The following RPH3A variants were observed in gnomAD, a reference collection of about 807,000 sequenced individuals.
RPH3A encodes the protein rabphilin 3A, also known as rabphilin-3A.
RPH3A carries 48 observed loss-of-function variants against 102.2 expected under a neutral mutation model. The ratio of observed to expected loss-of-function variants is 0.47; its 90% CI spans 0.37 to 0.60. RPH3A has a LOEUF of 0.60. Ranked by LOEUF, RPH3A falls within the 20% of genes least tolerant of loss-of-function variation. RPH3A has a pLI of 0.00. For synonymous variants in RPH3A, 310 were observed against 324.3 expected (o/e 0.96, Z 0.47); for missense variants, 781 against 910.1 (o/e 0.86, Z 1.83).
chr12:112,758,374 T>C (rs1331186545), intron 1 of RPH3A, among the ~76,000 whole-genome samples: 1 of 152,216 alleles, frequency 6.6e-6, no homozygotes, highest in Non-Finnish European at 1.5e-5. Context: ...CTCTATTTTC[T>C]AGAGAACCTC....
chr12:112,693,851 T>G (rs1566262113), intron 1 of RPH3A, among the ~76,000 whole-genome samples: 1 of 152,384 alleles, frequency 6.6e-6, no homozygotes, highest in East Asian at 1.9e-4. Flanking sequence ...TATCTGTCTC[T>G]TGTTGGAACA....
chr12:112,765,534 C>T (rs965016527), intron 1 of RPH3A, among the ~76,000 whole-genome samples: 2 of 152,112 alleles, frequency 1.3e-5, no homozygotes, highest in Non-Finnish European at 1.5e-5. Context: ...GGATTTGTTC[C>T]ATATTACATT....
chr12:112,805,253 G>T (rs2041436992), intron 2 of RPH3A, among the ~76,000 whole-genome samples: 1 of 152,046 alleles, frequency 6.6e-6, no homozygotes, highest in African/African-American at 2.4e-5. Context: ...AAATGTCTGG[G>T]TGCTAATTTT....
chr12:112,700,002 TG>T (rs1276749059), intron 1 of RPH3A, among the ~76,000 whole-genome samples: 2 of 152,182 alleles, frequency 1.3e-5, no homozygotes, highest in Non-Finnish European at 2.9e-5. Flanking sequence ...TTAGCCATGC[TG>T]AGTTTTTTTT....
chr12:112,597,483 C>T (rs11612777), intron 1 of RPH3A, among the ~76,000 whole-genome samples: 4,425 of 152,148 alleles, frequency 0.029, 182 homozygotes, highest in South Asian at 0.12. Flanking sequence ...GCTGGGAGTA[C>T]AGCCTTGGGA....
intron 1 of RPH3A, among the ~76,000 whole-genome samples, chr12:112,729,907 A>C (rs1417755648): frequency 6.6e-6 from 1 of 152,204 alleles, no homozygotes; most frequent in African/African-American, 2.4e-5. Context: ...AGCGTTGCAG[A>C]TATAATTCAT....
At chr12:112,734,419 C>A (rs1378349269) in intron 1 of RPH3A, among the ~76,000 whole-genome samples, 1 of 152,220 alleles carries the variant, frequency 6.6e-6, no homozygotes, top group African/African-American at 2.4e-5. Flanking sequence ...ATATTCCCAT[C>A]ATTACGTGAC....
intron 1 of RPH3A, among the ~76,000 whole-genome samples, chr12:112,653,165 T>A (rs1370624580): frequency 4.0e-5 from 6 of 151,842 alleles, no homozygotes; most frequent in Non-Finnish European, 8.8e-5. Flanking sequence ...CCGAGGTGGA[T>A]GGATCACTTG....
chr12:112,808,469 TG>T (rs1308754997), intron 2 of RPH3A, among the ~76,000 whole-genome samples: 1 of 152,002 alleles, frequency 6.6e-6, no homozygotes, highest in African/African-American at 2.4e-5. Context: ...GTCTCTTAAG[TG>T]GTGGATTATT....
chr12:112,887,256 C>T (rs7958347), intron 16 of RPH3A, among the ~76,000 whole-genome samples: 66,227 of 152,102 alleles, frequency 0.44, 14,835 homozygotes, highest in East Asian at 0.59. Context: ...CAACCTGTAT[C>T]AACAGCAGAA....
intron 1 of RPH3A, among the ~76,000 whole-genome samples, chr12:112,621,722 T>C (rs2135980863): frequency 6.6e-6 from 1 of 152,260 alleles, no homozygotes; most frequent in South Asian, 2.1e-4. Context: ...CAAGGAGGCC[T>C]GCCTGCCACT....
At chr12:112,843,794 A>C (rs910836556) in intron 4 of RPH3A, among the ~76,000 whole-genome samples, 1 of 152,172 alleles carries the variant, frequency 6.6e-6, no homozygotes, top group Non-Finnish European at 1.5e-5. Context: ...GGCGGCAAAT[A>C]AGGGAGAATT....
Position 112,732,528 on chromosome 12 carries a change from C to T in RPH3A, c.-139-59615C>T, listed in dbSNP as rs570601085. Among the ~76,000 whole-genome samples, 5 of 152,304 alleles carry T rather than the reference C, an allele frequency of 3.3e-5. No individual in the cohort carries two copies. The South Asian group carries it at 8.3e-4, about 25-fold the overall frequency. ...GCACGCTAGGTTCCCCAAGAAATGGCTTTGTGGGGAGATGAACGTGCAGGA... is the reference window on the plus strand; with the variant it reads ...GCACGCTAGGTTCCCCAAGAAATGGTTTTGTGGGGAGATGAACGTGCAGGA... On this transcript the variant is annotated intron_variant, in intron 1 of 21. Coordinates refer to the RPH3A transcript ENST00000543106.
intron 2 of RPH3A, among the ~76,000 whole-genome samples, chr12:112,796,430 G>A (rs1013401517): frequency 6.6e-6 from 1 of 152,182 alleles, no homozygotes; most frequent in Non-Finnish European, 1.5e-5. Context: ...CTGGTGTCCG[G>A]GTCAGCACCC....
At chr12:112,578,692 T>C (rs1466452436) in intron 1 of RPH3A, among the ~76,000 whole-genome samples, 1 of 152,212 alleles carries the variant, frequency 6.6e-6, no homozygotes, top group African/African-American at 2.4e-5. Flanking sequence ...TACATTTTAG[T>C]CTGAACTAGC....
At chr12:112,868,109 G>A (rs2042642359) in intron 7 of RPH3A, 3 of 248,328 alleles carry the variant, frequency 1.2e-5, no homozygotes, top group Non-Finnish European at 2.3e-5. Context: ...TTAAGAGATG[G>A]AAGACTTGGA....
At chr12:112,807,119 A>T (rs1444268634) in intron 2 of RPH3A, among the ~76,000 whole-genome samples, 1 of 151,972 alleles carries the variant, frequency 6.6e-6, no homozygotes. Flanking sequence ...TGCAATCAAG[A>T]CAAATCAAGC....
chr12:112,884,950 T>G (rs910714832), intron 16 of RPH3A, among the ~76,000 whole-genome samples: 26 of 152,250 alleles, frequency 1.7e-4, no homozygotes, highest in African/African-American at 6.0e-4. Flanking sequence ...TTTTGTACTT[T>G]ATATAAATGA....
chr12:112,678,279 A>AG (rs2040197690), intron 1 of RPH3A, among the ~76,000 whole-genome samples: 1 of 64,806 alleles, frequency 1.5e-5, no homozygotes, highest in Non-Finnish European at 2.9e-5. Context: ...GAAAGAAAGA[A>AG]AGAAAGAAAG....
Sources: allele counts gnomAD v4.1 joint callset (sites outside exome capture counted in the v4.1 genomes callset), GRCh38; gene constraint gnomAD v4.1.1; transcripts MANE v1.5; gene names NCBI Gene and HGNC (gene_info 2026-07-23, HGNC 2026-07-21).